Variants in PCDHA13 observed in about 807,000 individuals in gnomAD.
PCDHA13 encodes protocadherin alpha-13.
Under a neutral mutation model 64.8 loss-of-function variants are expected in PCDHA13, and 54 were observed. That is an observed-to-expected ratio of 0.83 (90% CI 0.67 to 1.04). The LOEUF (loss-of-function observed/expected upper bound fraction) is 1.04, where lower values mean the gene tolerates loss of function less well. Ranked by LOEUF, PCDHA13 falls within the 50% of genes least tolerant of loss-of-function variation. The pLI is 0.00. For missense variants in PCDHA13, 1,248 were observed against 1,254.3 expected, an observed-to-expected ratio of 0.99 and a Z score of 0.08; for synonymous variants, 587 against 564.4, an observed-to-expected ratio of 1.04 and a Z score of -0.57.
chr5:140,948,240 T>C (rs1554218495), intron 1 of PCDHA13, among the ~76,000 whole-genome samples: 1 of 151,684 alleles, frequency 6.6e-6, no homozygotes, highest in East Asian at 1.9e-4. Flanking sequence ...TGTATTTTAG[T>C]AAATATTTTT....
intron 3 of PCDHA13, among the ~76,000 whole-genome samples, chr5:140,985,402 C>T (rs1554247027): frequency 6.6e-6 from 1 of 152,118 alleles, no homozygotes; most frequent in African/African-American, 2.4e-5. Context: ...CAACTGTTCC[C>T]CTGGAAATGG....
intron 1 of PCDHA13, chr5:140,929,269 A>G (rs138062218): frequency 3.0e-5 from 49 of 1,611,106 alleles, no homozygotes; most frequent in African/African-American, 5.3e-5. Context: ...GAATTTGCCA[A>G]TATCCTGTAT....
chr5:140,885,611 A>G (rs1422835119), intron 1 of PCDHA13, among the ~76,000 whole-genome samples: 5 of 152,216 alleles, frequency 3.3e-5, no homozygotes, highest in Non-Finnish European at 4.4e-5. Flanking sequence ...AATTTTAATT[A>G]TAAAATATGT....
rs2059555585 is a variant in PCDHA13, at chr5:140,883,332, T to C, written c.1064T>C (p.Leu355Ser). The change falls in exon 1 of 4, where the codon TTG becomes TCG. Residue 355 changes from leucine to serine, a missense_variant. Physicochemically the swap from Leu to Ser is moderately radical, Grantham distance 145. Transcript: ENST00000289272. Reference sequence around the variant, plus strand: ...GCCCCAGAGGTTACCATCACTTCTTTGTCACTCCCCATCAGAGAAGACACT... The same window carrying C: ...GCCCCAGAGGTTACCATCACTTCTTCGTCACTCCCCATCAGAGAAGACACT... ...DNAPEVTITSLSLPIREDTQP... is the reference protein window; with the variant it reads ...DNAPEVTITSSSLPIREDTQP... 1.9e-6 allele frequency: 3 copies of C among 1,614,174 alleles called. No homozygotes were observed. Among genetic ancestry groups the C allele is most frequent in the Non-Finnish European group, 2.5e-6 (3 of 1,180,032 alleles).
intron 1 of PCDHA13, among the ~76,000 whole-genome samples, chr5:140,953,061 G>A (rs919542084): frequency 2.0e-5 from 3 of 152,064 alleles, no homozygotes; most frequent in African/African-American, 7.2e-5. Flanking sequence ...CCTCTCACAG[G>A]CCCCATCTCC....
At chr5:140,958,503 C>T (rs1426161443) in intron 1 of PCDHA13, among the ~76,000 whole-genome samples, 1 of 152,118 alleles carries the variant, frequency 6.6e-6, no homozygotes, top group Non-Finnish European at 1.5e-5. Context: ...TCCTAGGAGG[C>T]ATGGCTGTCC....
chr5:140,989,215 C>T (rs1162430361), intron 3 of PCDHA13, among the ~76,000 whole-genome samples: 1 of 152,108 alleles, frequency 6.6e-6, no homozygotes, highest in Non-Finnish European at 1.5e-5. Flanking sequence ...CTTTATACAC[C>T]ATTCTTTGTA....
Position 140,883,000 on chromosome 5 carries a change from ATCCGT to A in PCDHA13, c.734_738del (p.Ser245LeufsTer2), listed in dbSNP as rs1554176436. On this transcript the variant is annotated frameshift_variant, in exon 1 of 4. Coordinates refer to ENST00000289272, the MANE Select transcript of PCDHA13 (RefSeq NM_018904.3). LOFTEE classifies it high-confidence loss of function. ...ATGACAACGCCCCGGAATTTTACCA[ATCCGT>A]TTATAAAGTGACGGTGTTAGAGAAC... The A allele has an allele frequency of 6.2e-7, 1 of 1,614,138 alleles. No homozygotes were observed. The highest frequency in any genetic ancestry group is 8.5e-7 in the Non-Finnish European group (1 of 1,180,034).
At chr5:140,968,044 A>G (rs959631573) in intron 1 of PCDHA13, 2 of 1,614,024 alleles carry the variant, frequency 1.2e-6, no homozygotes, top group Non-Finnish European at 1.7e-6. Context: ...TGAGCGGCCC[A>G]CTGGACCGAG....
chr5:140,882,909 C>A lies in PCDHA13; in HGVS notation c.641C>A (p.Ala214Asp). Residue 214 changes from alanine (A) to aspartate (D), a missense_variant, in exon 1 of 4, where the codon GCC becomes GAC. Coordinates refer to ENST00000289272, the MANE Select transcript of PCDHA13 (RefSeq NM_018904.3). ...CAGGAACATAGTTTATTACTGACAGCCAGTGATGGAGGTAAACCCGAGCTG... is the reference window on the plus strand; with the variant it reads ...CAGGAACATAGTTTATTACTGACAGACAGTGATGGAGGTAAACCCGAGCTG... The part of the protein sequence containing the change: ...EIQEHSLLLT[A>D]SDGGKPELTG... 1.2e-6 allele frequency: 2 copies of A among 1,614,172 alleles called. No homozygotes were observed. The highest frequency in any genetic ancestry group is 1.7e-6 in the Non-Finnish European group (2 of 1,180,032).
rs781982439 is a variant in PCDHA13, at chr5:140,967,345, C to G, written c.2395-11604C>G. 3 of 1,607,752 alleles carry G rather than the reference C, an allele frequency of 1.9e-6. No homozygotes were observed. The South Asian group carries it at 3.3e-5, about 18-fold the overall frequency. On this transcript the variant is annotated intron_variant, in intron 1 of 3. Coordinates refer to ENST00000289272, the MANE Select transcript of PCDHA13 (RefSeq NM_018904.3). ...ACGAGCTCAGCCCCAGCGAGCACTT[C>G]GAGCTGGACCTTAAGCCCCTGCAGG...
chr5:140,938,761 G>A (rs1414324125), intron 1 of PCDHA13, among the ~76,000 whole-genome samples: 5 of 151,992 alleles, frequency 3.3e-5, no homozygotes, highest in Non-Finnish European at 7.4e-5. Flanking sequence ...CATAGTTATT[G>A]GGTACTAGAC....
chr5:140,894,778 T>C (rs1477645245), intron 1 of PCDHA13, among the ~76,000 whole-genome samples: 1 of 152,140 alleles, frequency 6.6e-6, no homozygotes, highest in Non-Finnish European at 1.5e-5. Flanking sequence ...TTTAGTGTAA[T>C]TATTTGTCCT....
chr5:140,897,309 A>G (rs1165791921), intron 1 of PCDHA13, among the ~76,000 whole-genome samples: 3 of 148,098 alleles, frequency 2.0e-5, no homozygotes, highest in Non-Finnish European at 3.0e-5. Flanking sequence ...CATTAGGTAT[A>G]TCTCCTAAAG....
At chr5:140,913,966 A>C (rs2076538227) in intron 1 of PCDHA13, among the ~76,000 whole-genome samples, 1 of 152,156 alleles carries the variant, frequency 6.6e-6, no homozygotes, top group Non-Finnish European at 1.5e-5. Context: ...TTTTTAAAAA[A>C]ATATTTTAGG....
chr5:140,910,965 C>T (rs1554194514), intron 1 of PCDHA13, among the ~76,000 whole-genome samples: 1 of 152,098 alleles, frequency 6.6e-6, no homozygotes, highest in Non-Finnish European at 1.5e-5. Context: ...TAGCACACCT[C>T]CTCATGGGTT....
chr5:140,906,239 T>G (rs563566442), intron 1 of PCDHA13, among the ~76,000 whole-genome samples: 5 of 152,314 alleles, frequency 3.3e-5, no homozygotes, highest in Admixed American at 1.3e-4. Context: ...CCTTGTCAAC[T>G]TGAACCCATA....
intron 1 of PCDHA13, among the ~76,000 whole-genome samples, chr5:140,941,214 C>CCTTCCTTTCTTT (rs1554214040): frequency 1.6e-5 from 2 of 122,412 alleles, no homozygotes; most frequent in Non-Finnish European, 3.4e-5. Flanking sequence ...TTTCTTTCTT[C>CCTTCCTTTCTTT]CTTTCTTTCT....
At chr5:140,901,539 A>G (rs192107124) in intron 1 of PCDHA13, among the ~76,000 whole-genome samples, 2 of 152,070 alleles carry the variant, frequency 1.3e-5, no homozygotes, top group East Asian at 1.9e-4. Context: ...TTGGTTCTCT[A>G]TTCTGTTCCA....
Sources: gnomAD v4.1 joint callset for allele counts (sites outside exome capture counted in the v4.1 genomes callset) on GRCh38, gnomAD v4.1.1 for gene constraint, MANE v1.5 for transcripts, NCBI Gene and HGNC (gene_info 2026-07-23, HGNC 2026-07-21) for gene names.